Variants in GRHL1 observed in about 807,000 individuals in gnomAD.
GRHL1 encodes grainyhead-like protein 1 homolog.
Under a neutral mutation model 75.7 loss-of-function variants are expected in GRHL1, and 38 were observed. That is an observed-to-expected ratio of 0.50 (90% CI 0.39 to 0.66). The LOEUF (loss-of-function observed/expected upper bound fraction) is 0.66, where lower values mean the gene tolerates loss of function less well. GRHL1 is among the 30% of genes least tolerant of loss of function. The probability of loss-of-function intolerance (pLI) is 0.00; values close to 1 mark genes in which losing one functional copy is unlikely to be tolerated. For synonymous variants in GRHL1, 266 were observed against 279.4 expected (o/e 0.95, Z 0.48); for missense variants, 589 against 767.5 (o/e 0.77, Z 2.75).
rs191050729 is a variant in GRHL1, at chr2:9,977,788, G to C, written c.1111-8336G>C. 4.3e-4 allele frequency among the ~76,000 whole-genome samples: 65 copies of C among 152,310 alleles called. 1 individual carries two copies. In the East Asian group the frequency reaches 0.011, roughly 25 times the overall value. On this transcript the variant is annotated intron_variant, in intron 8 of 15. Coordinates refer to ENST00000324907, the MANE Select transcript of GRHL1 (RefSeq NM_198182.3). ...GATGACCTTGACCGAGGCAATGAGA[G>C]TATAGAGAAGTGGCCATTTCCCTAA... is the stretch of plus-strand genomic sequence containing the variant.
In GRHL1 at chr2:9,992,289, G is replaced by A; in HGVS notation, c.1461+143G>A. 2 of 680,232 alleles carry A rather than the reference G, an allele frequency of 2.9e-6. No individual in the cohort carries two copies. Among genetic ancestry groups the A allele is most frequent in the Non-Finnish European group, 4.9e-6 (2 of 406,214 alleles). 42.1% of individuals were successfully genotyped at this position (680,232 alleles called of 1,614,324 possible). A position where few individuals can be genotyped will look rare whatever the true frequency, so the allele number is the denominator to read the frequency against. ...CAGCTCTTTGGAATATTCTGCTGGG[G>A]TGACATGATGCCCGTGCAATAAAAA... is the stretch of plus-strand genomic sequence containing the variant. On this transcript the variant is annotated intron_variant, in intron 11 of 15. Transcript: ENST00000324907. This position sits in a 1 kb window ranked among gnomAD's most constrained non-coding sequence, Gnocchi z 4.6.
At chr2:9,979,075 G>A (rs1486132048) in intron 8 of GRHL1, among the ~76,000 whole-genome samples, 5 of 145,194 alleles carry the variant, frequency 3.4e-5, no homozygotes, top group South Asian at 2.2e-4. Flanking sequence ...CACGAGAATC[G>A]CTTGAACCCG....
intron 7 of GRHL1, chr2:9,965,070 A>C: frequency 2.2e-6 from 1 of 451,658 alleles, no homozygotes; most frequent in Non-Finnish European, 3.9e-6. Flanking sequence ...TTGTGACATA[A>C]TGAGATTGAA....
At position 9,992,271 on chromosome 2, in the gene GRHL1, T is replaced by C. The variant is rs1285376024; in HGVS notation, c.1461+125T>C. The C allele has an allele frequency of 2.5e-6, 2 of 810,012 alleles. No homozygotes were observed. The highest frequency in any genetic ancestry group is 3.4e-5 in the African/African-American group (2 of 58,176). The allele number at this position is 810,012 out of a possible 1,614,324, so 50.2% of individuals were successfully genotyped here. A position where few individuals can be genotyped will look rare whatever the true frequency, so the allele number is the denominator to read the frequency against. ...GAGGTTTGACCAGTTAGTCAGCTCT[T>C]TGGAATATTCTGCTGGGGTGACATG... On this transcript the variant is annotated intron_variant, in intron 11 of 15. Coordinates refer to ENST00000324907, the MANE Select transcript of GRHL1 (RefSeq NM_198182.3). The surrounding 1 kb of genome is among the most constrained non-coding windows in gnomAD (Gnocchi z 4.6).
intron 3 of GRHL1, 39 bp from the exon 4 acceptor site, chr2:9,961,007 A>G (rs1667244767): frequency 2.0e-6 from 3 of 1,488,430 alleles, no homozygotes; most frequent in African/African-American, 2.8e-5. Context: ...AAAGAACTAC[A>G]TCAGCATCGC....
rs1667592716 is a variant in GRHL1 at position 9,968,829 on chromosome 2, G to T, written c.1110+3448G>T. ...GAGCCCAGCACATATCCGAGAGCCT[G>T]CTGTGGACAAGGCGTGGGCTGGATC... On this transcript the variant is annotated intron_variant, in intron 8 of 15. Transcript: ENST00000324907. This position sits in a 1 kb window ranked among gnomAD's most constrained non-coding sequence, Gnocchi z 4.7. Among the ~76,000 whole-genome samples the T allele has an allele frequency of 6.6e-6, 1 of 152,222 alleles. No individual in the cohort carries two copies. The highest frequency in any genetic ancestry group is 2.1e-4 in the South Asian group (1 of 4,832).
chr2:9,953,649 T>G (rs1249315803), intron 1 of GRHL1, among the ~76,000 whole-genome samples: 1 of 151,822 alleles, frequency 6.6e-6, no homozygotes, highest in African/African-American at 2.4e-5. Flanking sequence ...TTTTTTCCCC[T>G]TTTTTGAAGA....
chr2:9,963,871 T>TAA lies in GRHL1; in HGVS notation c.747-15_747-14insAA, dbSNP rs1667378748. 1 of 1,599,720 alleles carries TAA rather than the reference T, an allele frequency of 6.3e-7. No individual in the cohort carries two copies. The highest frequency in any genetic ancestry group is 8.5e-7 in the Non-Finnish European group (1 of 1,172,872). On this transcript the variant is annotated splice_polypyrimidine_tract_variant and intron_variant, in intron 5 of 15. Coordinates refer to ENST00000324907, the MANE Select transcript of GRHL1 (RefSeq NM_198182.3). ...AGAGTAGATTTAGAGACCTGTGACT[T>TAA]TTTTTGTCCTTTAGGAACAACTTTG... is the stretch of plus-strand genomic sequence containing the variant.
chr2:9,994,351 T>C (rs1668766260), intron 12 of GRHL1, among the ~76,000 whole-genome samples: 1 of 148,850 alleles, frequency 6.7e-6, no homozygotes, highest in African/African-American at 2.5e-5. Context: ...ATTATTATTA[T>C]TGTAGAGATC....
chr2:9,954,789 AT>A, intron 1 of GRHL1, 125 bp from the exon 2 acceptor site: 1 of 833,688 alleles, frequency 1.2e-6, no homozygotes, highest in South Asian at 1.5e-5. Context: ...TCTTGTCTTA[AT>A]TTGACTTCCT....
chr2:9,998,955 C>G lies in GRHL1; in HGVS notation c.1678-10C>G. ...CAGGGTTTTGTAATTATTTTTCTTTCCTCTTTTAGATCTCAGACAAATACG... is the reference window on the plus strand; with the variant it reads ...CAGGGTTTTGTAATTATTTTTCTTTGCTCTTTTAGATCTCAGACAAATACG... On this transcript the variant is annotated splice_polypyrimidine_tract_variant and intron_variant, in intron 14 of 15. Coordinates refer to ENST00000324907, the MANE Select transcript of GRHL1 (RefSeq NM_198182.3). The G allele has an allele frequency of 6.7e-7, 1 of 1,485,812 alleles. No individual in the cohort carries two copies. Among genetic ancestry groups the G allele is most frequent in the Middle Eastern group, 1.8e-4 (1 of 5,612 alleles). 92.0% of individuals were successfully genotyped at this position (1,485,812 alleles called of 1,614,324 possible).
At position 10,001,973 on chromosome 2, in the gene GRHL1, C is replaced by A. The variant is rs1455486150; in HGVS notation, c.*1266C>A. 1.3e-5 allele frequency: 2 copies of A among 152,536 alleles called. No individual in the cohort carries two copies. Among genetic ancestry groups the A allele is most frequent in the Non-Finnish European group, 2.9e-5 (2 of 68,022 alleles). The allele number at this position is 152,536 out of a possible 1,614,324, so 9.4% of individuals were successfully genotyped here. On this transcript the variant is annotated 3_prime_UTR_variant, in exon 16 of 16. Coordinates refer to ENST00000324907, the MANE Select transcript of GRHL1 (RefSeq NM_198182.3). ...TACTATGGCAGGGGAACATTTTGTACACATTTAAGTATATAAAAATACTAA... is the reference window on the plus strand; with the variant it reads ...TACTATGGCAGGGGAACATTTTGTAAACATTTAAGTATATAAAAATACTAA...
chr2:9,951,693 A>G lies in GRHL1; in HGVS notation c.-141A>G, dbSNP rs951106545. 1.2e-5 allele frequency: 9 copies of G among 728,844 alleles called. No homozygotes were observed. The highest frequency in any genetic ancestry group is 1.7e-5 in the Non-Finnish European group (8 of 469,250). The allele number at this position is 728,844 out of a possible 1,614,324, so 45.1% of individuals were successfully genotyped here. ...CGCGCAGCCCGCGCGGAGCCGGCTCAGAGCGAGAAAAGCAAACCCAACCCG... is the reference window on the plus strand; with the variant it reads ...CGCGCAGCCCGCGCGGAGCCGGCTCGGAGCGAGAAAAGCAAACCCAACCCG... On this transcript the variant is annotated 5_prime_UTR_variant, in exon 1 of 16. Transcript: ENST00000324907. This position sits in a 1 kb window ranked among gnomAD's most constrained non-coding sequence, Gnocchi z 4.2.
chr2:9,959,641 A>G (rs1406865088), intron 3 of GRHL1: 2 of 152,242 alleles, frequency 1.3e-5, no homozygotes, highest in Non-Finnish European at 2.9e-5. Flanking sequence ...ATTTTCAAAC[A>G]TAATAAAAAT....
At position 9,961,427 on chromosome 2, in the gene GRHL1, C is replaced by G. The variant is rs1014433260; in HGVS notation, c.660C>G (p.Gly220=). Residue 220 remains glycine, a synonymous_variant, in exon 4 of 16, where the codon GGC becomes GGG. Coordinates refer to ENST00000324907, the MANE Select transcript of GRHL1 (RefSeq NM_198182.3). ...CCTTCTCAGAGACCTTCAAGGAAGG[C>G]GTTCAGGAGGTAAGGAAACAAAAAC... ...DSTFSETFKE[G]VQEVFFPSDL... 1 of 1,604,744 alleles carries G rather than the reference C, an allele frequency of 6.2e-7. No homozygotes were observed. Among genetic ancestry groups the G allele is most frequent in the Admixed American group, 1.7e-5 (1 of 59,674 alleles).
intron 8 of GRHL1, among the ~76,000 whole-genome samples, chr2:9,976,210 G>A (rs1469921843): frequency 6.6e-6 from 1 of 152,182 alleles, no homozygotes; most frequent in Non-Finnish European, 1.5e-5. Context: ...TGGGAGGATT[G>A]CACTCTAGTA....
intron 8 of GRHL1, among the ~76,000 whole-genome samples, chr2:9,979,503 A>G (rs1460685294): frequency 1.3e-5 from 2 of 152,182 alleles, no homozygotes; most frequent in African/African-American, 4.8e-5. Context: ...GGTGTGAGCC[A>G]CTGCCTGGCC....
intron 1 of GRHL1, chr2:9,953,086 A>G: frequency 2.2e-6 from 1 of 456,744 alleles, no homozygotes; most frequent in Non-Finnish European, 4.4e-6. Context: ...CTTGACGTAT[A>G]GTTTAGATAA....
Position 9,955,099 on chromosome 2 carries a change from A to G in GRHL1, c.205A>G (p.Lys69Glu), listed in dbSNP as rs956104337. The G allele has an allele frequency of 6.2e-7, 1 of 1,608,188 alleles. No homozygotes were observed. The change falls in exon 2 of 16, where the codon AAG (lysine) becomes GAG (glutamate). Residue 69 changes from lysine (K) to glutamate (E), a missense_variant and splice_region_variant. This residue lies in a region of GRHL1 where 362 missense variants were observed against 461.8 expected (regional missense o/e 0.78). Coordinates refer to ENST00000324907, the MANE Select transcript of GRHL1 (RefSeq NM_198182.3). ...GCTGGGCCTGCTCTATGACTACTAC[A>G]AGGTGGGTTTGCCTGCCTTTAAAAC... ...AALGLLYDYY[K>E]VPRERRSSTA... is the part of the protein sequence containing the mutation.
Sources: gnomAD v4.1 joint callset for allele counts (sites outside exome capture counted in the v4.1 genomes callset) on GRCh38, gnomAD v4.1.1 for gene constraint, gnomAD v4.1.1 regional missense constraint, Gnocchi (gnomAD v3.1) non-coding constraint, MANE v1.5 for transcripts, NCBI Gene and HGNC (gene_info 2026-07-23, HGNC 2026-07-21) for gene names.